Variants in NEK5 observed in about 807,000 individuals in gnomAD.
NEK5 encodes the protein NIMA related kinase 5.
A neutral mutation model predicts 109.2 loss-of-function variants in NEK5; 88 were observed. That is an observed-to-expected ratio of 0.81 (90% confidence interval 0.68 to 0.96). The LOEUF (loss-of-function observed/expected upper bound fraction) is 0.96, where lower values mean the gene tolerates loss of function less well. NEK5 is among the 40% of genes least tolerant of loss of function. The pLI, the probability that NEK5 is intolerant of heterozygous loss-of-function variation, is 0.00. For synonymous variants in NEK5, 283 were observed against 299.9 expected, an observed-to-expected ratio of 0.94 and a Z score of 0.58; for missense variants, 834 against 920.7, an observed-to-expected ratio of 0.91 and a Z score of 1.22.
chr13:52,044,362 C>A (rs1039182040), intron 23 of NEK5, among the ~76,000 whole-genome samples: 2 of 152,132 alleles, frequency 1.3e-5, no homozygotes, highest in Non-Finnish European at 1.5e-5. Context: ...TAGGTGTTTG[C>A]CCACAAGAAA....
At chr13:52,115,124 T>C (rs1257133125) in intron 4 of NEK5, among the ~76,000 whole-genome samples, 4 of 151,596 alleles carry the variant, frequency 2.6e-5, no homozygotes. Flanking sequence ...GCCATTCTCC[T>C]GCCTCAGCCT....
At chr13:52,070,053 A>G (rs1435711646) in intron 20 of NEK5, among the ~76,000 whole-genome samples, 1 of 152,222 alleles carries the variant, frequency 6.6e-6, no homozygotes, top group African/African-American at 2.4e-5. Context: ...CCTCAATAAG[A>G]TGCCTGCTGA....
At chr13:52,067,869 T>C (rs888881409) in intron 20 of NEK5, among the ~76,000 whole-genome samples, 1 of 151,910 alleles carries the variant, frequency 6.6e-6, no homozygotes. Context: ...TTTTTGTATT[T>C]TTAGTAGAGA....
intron 3 of NEK5, among the ~76,000 whole-genome samples, chr13:52,126,226 C>T (rs2138153094): frequency 6.6e-6 from 1 of 152,274 alleles, no homozygotes; most frequent in South Asian, 2.1e-4. Flanking sequence ...ATGAACATAT[C>T]ACTAAAGAGG....
intron 3 of NEK5, among the ~76,000 whole-genome samples, chr13:52,124,795 G>T (rs1956032857): frequency 6.6e-6 from 1 of 152,070 alleles, no homozygotes; most frequent in Non-Finnish European, 1.5e-5. Flanking sequence ...TTTTTATGTA[G>T]TCAAACCTAG....
chr13:52,056,577 C>G lies in NEK5; in HGVS notation c.2110+5242G>C, dbSNP rs1203684488. 3.4e-5 allele frequency among the ~76,000 whole-genome samples: 5 copies of G among 147,028 alleles called. No individual in the cohort carries two copies. The East Asian group carries it at 5.9e-4, about 17-fold the overall frequency. ...GCTCTCCTCAGCAAATGTAAAAGAA[C>G]AGAAATTATAACAAACTATCTCTCA... On this transcript the variant is annotated intron_variant, in intron 22 of 23. Coordinates refer to ENST00000684899, the MANE Select transcript of NEK5 (RefSeq NM_001365552.1).
chr13:52,057,261 C>A (rs1299387747), intron 22 of NEK5, among the ~76,000 whole-genome samples: 1 of 152,028 alleles, frequency 6.6e-6, no homozygotes, highest in Non-Finnish European at 1.5e-5. Flanking sequence ...GAAGTTGAAT[C>A]TCTGAATAGA....
chr13:52,041,342 C>G (rs1014927267), intron 23 of NEK5, among the ~76,000 whole-genome samples: 5 of 152,082 alleles, frequency 3.3e-5, no homozygotes, highest in Admixed American at 3.3e-4. Flanking sequence ...ATTAATGAAA[C>G]AAGACCATAT....
rs766796012 is a variant in NEK5, at chr13:52,089,274, TTG to T, written c.1246_1247del (p.Gln416IlefsTer2). ...ATTGCTTCTCCACTTTCAACTTATA[TTG>T]TTGAGCTTCAAATTTTCTCTGAAGG... ...EYLQRKFEAQQYKLKVEKQLG... is the reference protein window; with the variant it reads ...EYLQRKFEAQXYKLKVEKQLG... On this transcript the variant is annotated frameshift_variant, in exon 14 of 24. Transcript: ENST00000684899. LOFTEE classifies it high-confidence loss of function. 3.7e-6 allele frequency: 6 copies of T among 1,606,918 alleles called. No homozygotes were observed. The Admixed American group carries it at 1.0e-4, about 27-fold the overall frequency.
At chr13:52,127,563 A>G in intron 2 of NEK5, 32 bp downstream of exon 2, 2 of 791,134 alleles carry the variant, frequency 2.5e-6, no homozygotes, top group Non-Finnish European at 4.4e-6. Context: ...ACAAAGTCAG[A>G]AAACTGATGA....
At chr13:52,078,222 GAAT>G (rs1249555480) in intron 17 of NEK5, among the ~76,000 whole-genome samples, 2 of 152,060 alleles carry the variant, frequency 1.3e-5, no homozygotes, top group East Asian at 1.9e-4. Context: ...CAGCAATAAA[GAAT>G]AATAATGAAC....
chr13:52,053,299 A>G (rs928084600), intron 22 of NEK5, among the ~76,000 whole-genome samples: 3 of 152,202 alleles, frequency 2.0e-5, no homozygotes, highest in African/African-American at 7.2e-5. Flanking sequence ...AAAATAAATA[A>G]ATAAATAAAA....
At chr13:52,055,915 T>C (rs1954550454) in intron 22 of NEK5, among the ~76,000 whole-genome samples, 1 of 150,960 alleles carries the variant, frequency 6.6e-6, no homozygotes, top group Non-Finnish European at 1.5e-5. Flanking sequence ...CCAGCTAACA[T>C]CATAATGACA....
chr13:52,065,699 A>G, intron 20 of NEK5, 90 bp from the exon 21 acceptor site: 1 of 861,104 alleles, frequency 1.2e-6, no homozygotes, highest in Admixed American at 2.0e-5. Context: ...GAGGCAGTTT[A>G]TCAGCAGGTA....
At chr13:52,058,570 A>C (rs1954583338) in intron 22 of NEK5, among the ~76,000 whole-genome samples, 1 of 152,166 alleles carries the variant, frequency 6.6e-6, no homozygotes, top group Non-Finnish European at 1.5e-5. Context: ...AGGCTACAGT[A>C]ACCAAAACAG....
At chr13:52,085,719 T>G (rs541555538) in intron 16 of NEK5, among the ~76,000 whole-genome samples, 1 of 152,202 alleles carries the variant, frequency 6.6e-6, no homozygotes, top group South Asian at 2.1e-4. Flanking sequence ...GAAGCTCTTC[T>G]GAAGAAGCAG....
At chr13:52,060,023 AG>A (rs1376423069) in intron 22 of NEK5, among the ~76,000 whole-genome samples, 6 of 152,076 alleles carry the variant, frequency 3.9e-5, no homozygotes, top group African/African-American at 1.4e-4. Context: ...TACTTAAAAA[AG>A]GTTTTTCAAA....
intron 7 of NEK5, among the ~76,000 whole-genome samples, chr13:52,109,571 AAAAAGTT>A (rs1171676384): frequency 1.3e-5 from 2 of 152,170 alleles, no homozygotes; most frequent in Non-Finnish European, 2.9e-5. Context: ...CTGATCCAGG[AAAAAGTT>A]AACTAAGAGT....
At chr13:52,053,384 CTGTG>C (rs1277434097) in intron 22 of NEK5, among the ~76,000 whole-genome samples, 2 of 152,226 alleles carry the variant, frequency 1.3e-5, no homozygotes, top group East Asian at 1.9e-4. Context: ...AAACCTGCTT[CTGTG>C]TGTATGTTTA....
Sources: gnomAD v4.1 joint callset for allele counts (sites outside exome capture counted in the v4.1 genomes callset) on GRCh38, gnomAD v4.1.1 for gene constraint, MANE v1.5 for transcripts, NCBI Gene and HGNC (gene_info 2026-07-23, HGNC 2026-07-21) for gene names.